The following LRRC4C variants were observed in gnomAD, a reference collection of about 807,000 sequenced individuals.
LRRC4C encodes leucine-rich repeat-containing protein 4C.
A neutral mutation model predicts 33.6 loss-of-function variants in LRRC4C; 5 were observed. That is an observed-to-expected ratio of 0.15 (90% CI 0.08 to 0.31). The LOEUF (loss-of-function observed/expected upper bound fraction) is 0.31, where lower values mean the gene tolerates loss of function less well. Ranked by LOEUF, LRRC4C falls within the 10% of genes least tolerant of loss-of-function variation. LRRC4C has a pLI of 1.00. For synonymous variants in LRRC4C, 329 were observed against 302.0 expected (o/e 1.09, Z -0.93); for missense variants, 560 against 796.7 (o/e 0.70, Z 3.58).
chr11:40,563,728 C>T lies in LRRC4C; in HGVS notation c.-270+84414G>A, dbSNP rs529854262. On this transcript the variant is annotated intron_variant, in intron 3 of 6. Coordinates refer to ENST00000528697, the MANE Select transcript of LRRC4C (RefSeq NM_001258419.2). ...GTAGAAAACCTTGAAATCTGAAACA[C>T]GAAATGGGAACACCTGGGAAGGAAG... Among the ~76,000 whole-genome samples, 4 of 152,220 alleles carry T rather than the reference C, an allele frequency of 2.6e-5. No homozygotes were observed. In the South Asian group the frequency reaches 6.2e-4, roughly 24 times the overall value.
At chr11:41,102,837 C>T (rs139386282) in intron 1 of LRRC4C, among the ~76,000 whole-genome samples, 7 of 152,044 alleles carry the variant, frequency 4.6e-5, no homozygotes, top group Non-Finnish European at 8.8e-5. Context: ...ACAAAGAATG[C>T]TAATGTACAT....
intron 3 of LRRC4C, chr11:40,445,202 G>A (rs1951575743): frequency 6.6e-6 from 1 of 152,202 alleles, no homozygotes; most frequent in Non-Finnish European, 1.5e-5. Flanking sequence ...AATGCAAAGT[G>A]TGTGTCCTGA....
intron 2 of LRRC4C, among the ~76,000 whole-genome samples, chr11:40,753,624 A>G (rs929447580): frequency 1.3e-5 from 2 of 150,496 alleles, no homozygotes; most frequent in Non-Finnish European, 3.0e-5. Context: ...CACTGCAAAC[A>G]CAGAAGCATT....
At chr11:40,427,241 C>T (rs751688036) in intron 3 of LRRC4C, among the ~76,000 whole-genome samples, 3 of 152,180 alleles carry the variant, frequency 2.0e-5, no homozygotes, top group Admixed American at 6.5e-5. Flanking sequence ...TGGTGGCTCA[C>T]GCCTGTAATC....
chr11:40,166,038 C>A (rs1202110452), intron 5 of LRRC4C, among the ~76,000 whole-genome samples: 1 of 152,198 alleles, frequency 6.6e-6, no homozygotes, highest in East Asian at 1.9e-4. Context: ...CTGTTTGGCT[C>A]TCTTTAATAA....
At chr11:40,302,565 G>T (rs1944825866) in intron 4 of LRRC4C, among the ~76,000 whole-genome samples, 1 of 151,856 alleles carries the variant, frequency 6.6e-6, no homozygotes, top group Non-Finnish European at 1.5e-5. Context: ...ATAGCCCAAG[G>T]CCTGAACCTT....
intron 3 of LRRC4C, among the ~76,000 whole-genome samples, chr11:40,523,022 T>C (rs1189220881): frequency 6.6e-6 from 1 of 152,204 alleles, no homozygotes; most frequent in Non-Finnish European, 1.5e-5. Context: ...CAAATATCTC[T>C]TCAAAAGCCT....
chr11:40,590,550 CGCTCT>C (rs1311440984), intron 3 of LRRC4C, among the ~76,000 whole-genome samples: 1 of 152,096 alleles, frequency 6.6e-6, no homozygotes, highest in East Asian at 1.9e-4. Context: ...AGAGGAGAGG[CGCTCT>C]GCTTTTTAGA....
rs150252485 is a variant in LRRC4C, at chr11:41,439,797, T to G, written c.-496+19634A>C. On this transcript the variant is annotated intron_variant, in intron 1 of 6. Transcript: ENST00000528697. ...AGTTAGTATGGGTGCAGAAAGCATC[T>G]CTGAAAGGAATAGGGTTTTGATGGC... Among the ~76,000 whole-genome samples, 10 of 152,334 alleles carry G rather than the reference T, an allele frequency of 6.6e-5. No homozygotes were observed. The East Asian group carries it at 1.9e-3, about 29-fold the overall frequency.
intron 1 of LRRC4C, among the ~76,000 whole-genome samples, chr11:41,326,075 A>G (rs879619977): frequency 6.6e-6 from 1 of 150,520 alleles, no homozygotes; most frequent in Admixed American, 6.6e-5. Flanking sequence ...GCCAAAGGAG[A>G]TTAACATTTG....
chr11:40,118,490 A>G lies in LRRC4C; in HGVS notation c.-42-2156T>C, dbSNP rs138095030. Among the ~76,000 whole-genome samples, 22 of 152,280 alleles carry G rather than the reference A, an allele frequency of 1.4e-4. No individual in the cohort carries two copies. The East Asian group carries it at 3.9e-3, about 27-fold the overall frequency. Reference sequence around the variant, plus strand: ...GTTCATTGCTATGACAGAAGTCCACATTGGCACAAGAGCACTAACATCAGA... The same window carrying G: ...GTTCATTGCTATGACAGAAGTCCACGTTGGCACAAGAGCACTAACATCAGA... On this transcript the variant is annotated intron_variant, in intron 6 of 6. Coordinates refer to ENST00000528697, the MANE Select transcript of LRRC4C (RefSeq NM_001258419.2).
intron 3 of LRRC4C, among the ~76,000 whole-genome samples, chr11:40,609,483 T>A (rs1231610318): frequency 6.6e-6 from 1 of 151,936 alleles, no homozygotes; most frequent in Non-Finnish European, 1.5e-5. Flanking sequence ...AACAATTTTG[T>A]ACCTCAACAC....
chr11:41,028,280 T>C (rs931805046), intron 1 of LRRC4C, among the ~76,000 whole-genome samples: 10 of 151,588 alleles, frequency 6.6e-5, no homozygotes, highest in African/African-American at 2.4e-4. Flanking sequence ...TAAAAAAATA[T>C]TCTACAAACA....
intron 2 of LRRC4C, among the ~76,000 whole-genome samples, chr11:40,813,882 C>A (rs1383048592): frequency 6.6e-6 from 1 of 152,186 alleles, no homozygotes; most frequent in Non-Finnish European, 1.5e-5. Context: ...CCAAAATAAT[C>A]TGCTTTGACT....
chr11:40,971,409 G>C (rs1232831232), intron 1 of LRRC4C, among the ~76,000 whole-genome samples: 2 of 152,170 alleles, frequency 1.3e-5, no homozygotes, highest in South Asian at 2.1e-4. Context: ...AGTCTGTTTG[G>C]CTTCCACGTG....
At chr11:40,408,752 C>T (rs546887080) in intron 3 of LRRC4C, among the ~76,000 whole-genome samples, 1 of 151,840 alleles carries the variant, frequency 6.6e-6, no homozygotes, top group East Asian at 1.9e-4. Flanking sequence ...CTATAAAACA[C>T]TACTAAAATT....
intron 3 of LRRC4C, among the ~76,000 whole-genome samples, chr11:40,358,231 T>C (rs1947769712): frequency 6.6e-6 from 1 of 151,606 alleles, no homozygotes; most frequent in Non-Finnish European, 1.5e-5. Context: ...AAAAAGGAAA[T>C]AGAGAGAAGT....
chr11:41,417,966 AAATATATACG>A (rs1165931613), intron 1 of LRRC4C, among the ~76,000 whole-genome samples: 1 of 133,332 alleles, frequency 7.5e-6, no homozygotes, highest in Admixed American at 8.4e-5. Context: ...AAATATATAC[AAATATATACG>A]TGTATATATA....
At chr11:41,332,051 C>A (rs1289405561) in intron 1 of LRRC4C, among the ~76,000 whole-genome samples, 1 of 152,108 alleles carries the variant, frequency 6.6e-6, no homozygotes, top group East Asian at 1.9e-4. Context: ...AATGTAAAAT[C>A]CATTCAATGA....
Sources: gnomAD v4.1 joint callset for allele counts (sites outside exome capture counted in the v4.1 genomes callset) on GRCh38, gnomAD v4.1.1 for gene constraint, MANE v1.5 for transcripts, NCBI Gene and HGNC (gene_info 2026-07-23, HGNC 2026-07-21) for gene names.